The following NRXN1 variants were observed in gnomAD, a reference collection of about 807,000 sequenced individuals.
NRXN1 encodes the protein neurexin 1, also known as neurexin-1.
NRXN1 carries 39 observed loss-of-function variants against 150.9 expected under a neutral mutation model. That is an observed-to-expected ratio of 0.26 (90% CI 0.20 to 0.34). The LOEUF (loss-of-function observed/expected upper bound fraction) is 0.34. NRXN1 is among the 10% of genes least tolerant of loss of function. The pLI is 1.00. For synonymous variants in NRXN1, 924 were observed against 757.0 expected (o/e 1.22, Z -3.62); for missense variants, 1,815 against 1,949.9 (o/e 0.93, Z 1.30).
At chr2:50,297,929 G>A (rs10194978) in intron 17 of NRXN1, among the ~76,000 whole-genome samples, 84,191 of 151,944 alleles carry the variant, frequency 0.55, 23,588 homozygotes, top group Middle Eastern at 0.59. Flanking sequence ...CAAAATCCGG[G>A]CACTTGACAT....
chr2:50,777,768 G>T (rs1703844479), intron 5 of NRXN1, among the ~76,000 whole-genome samples: 1 of 152,124 alleles, frequency 6.6e-6, no homozygotes, highest in African/African-American at 2.4e-5. Flanking sequence ...AAAGTAGCAT[G>T]ATGAAATAAA....
At chr2:50,760,791 G>T (rs1701717235) in intron 5 of NRXN1, among the ~76,000 whole-genome samples, 1 of 151,946 alleles carries the variant, frequency 6.6e-6, no homozygotes, top group Non-Finnish European at 1.5e-5. Context: ...CTCCGAGGCA[G>T]ATGTGGTAAG....
intron 12 of NRXN1, among the ~76,000 whole-genome samples, chr2:50,518,403 A>G (rs896037822): frequency 6.6e-6 from 1 of 151,986 alleles, no homozygotes; most frequent in Admixed American, 6.6e-5. Context: ...AGTACTAAAT[A>G]GTTCAATTTG....
At chr2:50,370,930 A>T (rs2153019498) in intron 17 of NRXN1, among the ~76,000 whole-genome samples, 1 of 152,146 alleles carries the variant, frequency 6.6e-6, no homozygotes, top group South Asian at 2.1e-4. Context: ...CAGGTCACAA[A>T]TGACTGGCAT....
chr2:50,631,507 C>T (rs1397438017), intron 5 of NRXN1: 2 of 154,038 alleles, frequency 1.3e-5, no homozygotes, highest in African/African-American at 4.8e-5. Flanking sequence ...ATAATCCTTG[C>T]CCTCTTGATA....
intron 3 of NRXN1, 83 bp downstream of exon 3, chr2:50,925,855 C>A: frequency 1.9e-6 from 2 of 1,041,268 alleles, no homozygotes; most frequent in South Asian, 2.8e-5. Context: ...TTCAACTTAC[C>A]ATCTAACTTC....
chr2:50,299,788 T>C (rs1424351679), intron 17 of NRXN1, among the ~76,000 whole-genome samples: 1 of 152,210 alleles, frequency 6.6e-6, no homozygotes, highest in African/African-American at 2.4e-5. Flanking sequence ...GAAATGGCTA[T>C]GTTTTAAATA....
Position 51,003,272 on chromosome 2 carries a change from G to C in NRXN1, c.772+24230C>G, listed in dbSNP as rs188588340. On this transcript the variant is annotated intron_variant, in intron 2 of 22. Transcript: ENST00000401669. Reference sequence around the variant, plus strand: ...GTTAGGGGCACCAATAAAGTAATGAGAGATTTCTAACTGAAATACATTCAC... The same window carrying C: ...GTTAGGGGCACCAATAAAGTAATGACAGATTTCTAACTGAAATACATTCAC... Among the ~76,000 whole-genome samples the C allele has an allele frequency of 2.8e-4, 43 of 151,998 alleles. No individual in the cohort carries two copies. The East Asian group carries it at 4.7e-3, about 17-fold the overall frequency.
Position 50,820,439 on chromosome 2 carries a change from G to C in NRXN1, c.832+101430C>G, listed in dbSNP as rs537816717. Among the ~76,000 whole-genome samples the C allele has an allele frequency of 2.1e-4, 32 of 152,232 alleles. 1 individual carries two copies. The highest frequency in any genetic ancestry group is 7.5e-4 in the African/African-American group (31 of 41,536). Reference sequence around the variant, plus strand: ...GTCCTTTTGACAGGGTGGAGAAGAAGCTTGACTGTAATATTGCTCAGCTGT... The same window carrying C: ...GTCCTTTTGACAGGGTGGAGAAGAACCTTGACTGTAATATTGCTCAGCTGT... On this transcript the variant is annotated intron_variant, in intron 5 of 22. Transcript: ENST00000401669.
At chr2:50,885,006 T>G (rs1355715231) in intron 5 of NRXN1, among the ~76,000 whole-genome samples, 2 of 151,562 alleles carry the variant, frequency 1.3e-5, no homozygotes, top group African/African-American at 2.4e-5. Flanking sequence ...CAGAATATCT[T>G]ACAAATGAAG....
chr2:50,382,655 A>ATAGT (rs1558637258), intron 17 of NRXN1, among the ~76,000 whole-genome samples: 5 of 151,878 alleles, frequency 3.3e-5, no homozygotes, highest in Non-Finnish European at 5.9e-5. Flanking sequence ...CCCTAGATAG[A>ATAGT]GAGTTATGAA....
intron 6 of NRXN1, among the ~76,000 whole-genome samples, chr2:50,622,909 AC>A (rs1433700763): frequency 6.6e-6 from 1 of 152,166 alleles, no homozygotes; most frequent in Non-Finnish European, 1.5e-5. Flanking sequence ...CAAATCACAA[AC>A]ACTATTTTTT....
chr2:49,964,501 A>T (rs1025157949), intron 21 of NRXN1, among the ~76,000 whole-genome samples: 10 of 151,628 alleles, frequency 6.6e-5, no homozygotes, highest in African/African-American at 2.4e-4. Context: ...AATTGCTTGA[A>T]CTAGGGAGGT....
chr2:50,686,935 A>G (rs943809817), intron 5 of NRXN1, among the ~76,000 whole-genome samples: 5 of 152,214 alleles, frequency 3.3e-5, no homozygotes, highest in African/African-American at 7.2e-5. Flanking sequence ...TCAATTCTCT[A>G]AAGTTTATGT....
chr2:50,720,175 G>C (rs963101346), intron 5 of NRXN1, among the ~76,000 whole-genome samples: 6 of 152,038 alleles, frequency 3.9e-5, no homozygotes, highest in Admixed American at 3.3e-4. Context: ...CTGACACACA[G>C]ATATATATAT....
At chr2:50,762,576 G>A (rs920229331) in intron 5 of NRXN1, among the ~76,000 whole-genome samples, 9 of 151,938 alleles carry the variant, frequency 5.9e-5, no homozygotes, top group African/African-American at 2.2e-4. Flanking sequence ...CCACTTATGA[G>A]TGGGAACATA....
At chr2:50,717,684 C>T (rs1238824344) in intron 5 of NRXN1, among the ~76,000 whole-genome samples, 3 of 152,178 alleles carry the variant, frequency 2.0e-5, no homozygotes, top group African/African-American at 7.2e-5. Context: ...CAAACATTTA[C>T]TTCTCACAGT....
rs6736816 is a variant in NRXN1 at position 50,028,451 on chromosome 2, C to A, written c.4128+24820G>T. Among the ~76,000 whole-genome samples the A allele has an allele frequency of 2.0e-5, 3 of 152,210 alleles. No homozygotes were observed. In the South Asian group the frequency reaches 6.2e-4, roughly 32 times the overall value. ...TGACCTTCAACAGTCTTGTAAATAG[C>A]CATATCTAGTCTCACTCCCTATAGA... On this transcript the variant is annotated intron_variant, in intron 21 of 22. Coordinates refer to ENST00000401669, the MANE Select transcript of NRXN1 (RefSeq NM_001330078.2).
intron 18 of NRXN1, among the ~76,000 whole-genome samples, chr2:50,160,004 T>C (rs6738135): frequency 0.14 from 21,879 of 152,112 alleles, 1,713 homozygotes; most frequent in East Asian, 0.18. Context: ...TTTGTGACCA[T>C]TAAAATATGA....
Sources: allele counts gnomAD v4.1 joint callset (sites outside exome capture counted in the v4.1 genomes callset), GRCh38; gene constraint gnomAD v4.1.1; transcripts MANE v1.5; gene names NCBI Gene and HGNC (gene_info 2026-07-23, HGNC 2026-07-21).